Variants in C8A observed in about 807,000 individuals in gnomAD.
C8A encodes the protein complement C8 alpha chain.
Under a neutral mutation model 65.3 loss-of-function variants are expected in C8A, and 67 were observed. The observed-to-expected ratio is 1.03, with a 90% CI of 0.84 to 1.26. The LOEUF (loss-of-function observed/expected upper bound fraction) is 1.26, where lower values mean the gene tolerates loss of function less well. C8A is among the 50% of genes most tolerant of loss of function. The probability of loss-of-function intolerance (pLI) is 0.00; values close to 1 mark genes in which losing one functional copy is unlikely to be tolerated. For synonymous variants in C8A, 290 were observed against 259.4 expected, an observed-to-expected ratio of 1.12 and a Z score of -1.13; for missense variants, 781 against 723.9, an observed-to-expected ratio of 1.08 and a Z score of -0.90.
At chr1:56,866,324 A>C (rs576376702) in intron 1 of C8A, among the ~76,000 whole-genome samples, 69 of 152,324 alleles carry the variant, frequency 4.5e-4, no homozygotes, top group African/African-American at 1.6e-3. Flanking sequence ...TAAATAAGTT[A>C]ATAAATATTT....
chr1:56,890,662 A>G (rs1419412250), intron 7 of C8A, among the ~76,000 whole-genome samples: 1 of 152,014 alleles, frequency 6.6e-6, no homozygotes, highest in Non-Finnish European at 1.5e-5. Context: ...AGGTGTTGTC[A>G]TCACTGTTGT....
chr1:56,898,368 C>T (rs1360151), intron 7 of C8A, among the ~76,000 whole-genome samples: 17,514 of 152,078 alleles, frequency 0.12, 1,120 homozygotes, highest in Non-Finnish European at 0.15. Context: ...AGAAGGCCAG[C>T]ATTTCAGTGA....
rs755705114 is a variant in C8A at position 56,886,038 on chromosome 1, G to A, written c.967G>A (p.Asp323Asn). ...GMLQSLMELPDQYNYGMYAKF... is the reference protein window; with the variant it reads ...GMLQSLMELPNQYNYGMYAKF... Reference sequence around the variant, plus strand: ...GCTGCAGTCATTAATGGAGCTTCCAGATCAGTACAATTATGGCATGTATGC... The same window carrying A: ...GCTGCAGTCATTAATGGAGCTTCCAAATCAGTACAATTATGGCATGTATGC... The change falls in exon 7 of 11, where the codon GAT becomes AAT. Residue 323 changes from aspartate to asparagine, a missense_variant. By Grantham distance (23) the Asp-to-Asn change is conservative. Transcript: ENST00000361249. 2.0e-5 allele frequency: 33 copies of A among 1,613,950 alleles called. No individual in the cohort carries two copies. Among genetic ancestry groups the A allele is most frequent in the Middle Eastern group, 1.6e-4 (1 of 6,078 alleles).
intron 4 of C8A, among the ~76,000 whole-genome samples, chr1:56,879,542 G>T (rs1454454815): frequency 1.3e-5 from 2 of 152,122 alleles, no homozygotes; most frequent in Non-Finnish European, 2.9e-5. Flanking sequence ...ATGTTCAATG[G>T]TCAGGAAGAT....
chr1:56,913,162 C>T (rs1336230112), intron 10 of C8A, among the ~76,000 whole-genome samples: 1 of 152,202 alleles, frequency 6.6e-6, no homozygotes, highest in Non-Finnish European at 1.5e-5. Context: ...AACTCTGTTT[C>T]TCTTCTTATA....
intron 7 of C8A, among the ~76,000 whole-genome samples, chr1:56,895,061 T>C (rs1644378444): frequency 6.6e-6 from 1 of 152,206 alleles, no homozygotes; most frequent in East Asian, 1.9e-4. Flanking sequence ...TCCCCAGTTT[T>C]ATAGAAAGAA....
intron 2 of C8A, among the ~76,000 whole-genome samples, chr1:56,872,991 A>G (rs1644161602): frequency 6.6e-6 from 1 of 152,152 alleles, no homozygotes. Flanking sequence ...TGGGTGGGAT[A>G]TTAAAATATA....
chr1:56,912,361 T>C (rs372186862), intron 9 of C8A, 42 bp from the exon 10 acceptor site: 10 of 1,581,782 alleles, frequency 6.3e-6, no homozygotes, highest in African/African-American at 5.4e-5. Context: ...GGAAGGTAGA[T>C]AGAGCCCAGG....
chr1:56,906,630 A>C, intron 7 of C8A, 37 bp from the exon 8 acceptor site: 7 of 1,613,378 alleles, frequency 4.3e-6, no homozygotes, highest in Non-Finnish European at 5.9e-6. Context: ...TCTTTTAATA[A>C]CTCAGCATTT....
At chr1:56,877,947 G>T (rs1422277719) in intron 4 of C8A, among the ~76,000 whole-genome samples, 1 of 152,192 alleles carries the variant, frequency 6.6e-6, no homozygotes, top group African/African-American at 2.4e-5. Context: ...CATACCAGCA[G>T]TATTAGTTTG....
chr1:56,895,030 T>C (rs1468506215), intron 7 of C8A, among the ~76,000 whole-genome samples: 2 of 152,214 alleles, frequency 1.3e-5, no homozygotes, highest in Non-Finnish European at 2.9e-5. Context: ...AATAACTTTA[T>C]GAGGAATTAT....
chr1:56,863,029 G>A (rs183660118), intron 1 of C8A, among the ~76,000 whole-genome samples: 198 of 152,182 alleles, frequency 1.3e-3, no homozygotes, highest in African/African-American at 4.6e-3. Flanking sequence ...GGAACAATGT[G>A]TATTACCATA....
chr1:56,912,503 T>C lies in C8A; in HGVS notation c.1481T>C (p.Phe494Ser). 1 of 1,614,194 alleles carries C rather than the reference T, an allele frequency of 6.2e-7. No homozygotes were observed. Among genetic ancestry groups the C allele is most frequent in the Admixed American group, 1.7e-5 (1 of 60,028 alleles). ...GCCTTGGACCAGTATCTGATGGAAT[T>C]CAATGCCTGCCGATGTGGGCCTTGC... ...RRALDQYLME[F>S]NACRCGPCFN... Residue 494 changes from phenylalanine to serine, a missense_variant, in exon 10 of 11, where the codon TTC becomes TCC. Transcript: ENST00000361249.
At chr1:56,876,406 T>A (rs569185241) in intron 4 of C8A, among the ~76,000 whole-genome samples, 197 bp downstream of exon 4, 1 of 151,820 alleles carries the variant, frequency 6.6e-6, no homozygotes, top group African/African-American at 2.4e-5. Context: ...CTCATGTCTC[T>A]GCTTGAGAGT....
intron 5 of C8A, among the ~76,000 whole-genome samples, chr1:56,883,272 G>A (rs562746826): frequency 5.9e-5 from 9 of 151,942 alleles, no homozygotes; most frequent in African/African-American, 2.2e-4. Flanking sequence ...GTGTAAATAA[G>A]TATTTTATCA....
chr1:56,886,198 T>C (rs748070031), intron 7 of C8A, 31 bp downstream of exon 7: 12 of 1,612,668 alleles, frequency 7.4e-6, no homozygotes, highest in Admixed American at 3.3e-5. Flanking sequence ...ATGTACACAG[T>C]AGTCAACACA....
chr1:56,874,134 T>G (rs988265499), intron 2 of C8A, among the ~76,000 whole-genome samples: 4 of 152,202 alleles, frequency 2.6e-5, no homozygotes, highest in African/African-American at 9.6e-5. Context: ...CAACTTGATG[T>G]CCACAGTTTC....
intron 7 of C8A, among the ~76,000 whole-genome samples, chr1:56,898,238 T>C (rs1644400488): frequency 6.6e-6 from 1 of 152,008 alleles, no homozygotes; most frequent in Admixed American, 6.6e-5. Flanking sequence ...ATGCCAGGAA[T>C]AGTGATGATA....
At chr1:56,912,789 T>C (rs1402080373) in intron 10 of C8A, among the ~76,000 whole-genome samples, 164 bp downstream of exon 10, 1 of 152,224 alleles carries the variant, frequency 6.6e-6, no homozygotes, top group Non-Finnish European at 1.5e-5. Flanking sequence ...ATTTAGTGGT[T>C]CTTGTGCTTT....
Sources: allele counts gnomAD v4.1 joint callset (sites outside exome capture counted in the v4.1 genomes callset), GRCh38; gene constraint gnomAD v4.1.1; transcripts MANE v1.5; gene names NCBI Gene and HGNC (gene_info 2026-07-23, HGNC 2026-07-21).